The following CD84 variants were observed in gnomAD, a reference collection of about 807,000 sequenced individuals.
CD84 encodes CD84 molecule, also known as SLAM family member 5.
Under a neutral mutation model 33.8 loss-of-function variants are expected in CD84, and 22 were observed. The ratio of observed to expected loss-of-function variants is 0.65; its 90% CI spans 0.46 to 0.93. The LOEUF is 0.93. Among genes scored for constraint, CD84 ranks in the 40% least tolerant of loss-of-function variants. CD84 has a pLI of 0.00. For missense variants in CD84, 400 were observed against 397.6 expected, an observed-to-expected ratio of 1.01 and a Z score of -0.05; for synonymous variants, 154 against 145.2, an observed-to-expected ratio of 1.06 and a Z score of -0.44.
intron 1 of CD84, among the ~76,000 whole-genome samples, chr1:160,567,514 C>T (rs1432717653): frequency 1.3e-5 from 2 of 152,054 alleles, no homozygotes; most frequent in East Asian, 3.9e-4. Flanking sequence ...AATTGGGAAC[C>T]CTTATCTGCA....
intron 2 of CD84, among the ~76,000 whole-genome samples, chr1:160,557,155 T>C (rs935614823): frequency 7.2e-5 from 11 of 152,220 alleles, no homozygotes; most frequent in Admixed American, 6.5e-5. Context: ...CTACATTCTA[T>C]AAGTGAGGAA....
intron 6 of CD84, 138 bp downstream of exon 6, chr1:160,549,779 C>T: frequency 1.4e-6 from 1 of 739,570 alleles, no homozygotes; most frequent in South Asian, 1.5e-5. Context: ...TACATATAGA[C>T]CAAAAACCTA....
intron 2 of CD84, among the ~76,000 whole-genome samples, chr1:160,557,343 C>T (rs376886266): frequency 3.9e-5 from 6 of 152,312 alleles, no homozygotes; most frequent in African/African-American, 1.2e-4. Context: ...GGGAATAATA[C>T]TATTCATTCA....
At chr1:160,567,539 G>T (rs1038140963) in intron 1 of CD84, among the ~76,000 whole-genome samples, 33 of 152,252 alleles carry the variant, frequency 2.2e-4, no homozygotes, top group Admixed American at 3.3e-4. Context: ...TTTATTAACT[G>T]CTAATTATGT....
Position 160,547,482 on chromosome 1 carries a change from C to T in CD84, c.*774G>A, listed in dbSNP as rs917350352. Reference sequence around the variant, plus strand: ...TCCAAGAAAAGTGTCCCAGCAGTCTCTAGACCCTGCAGAAAGAACATTTTC... The same window carrying T: ...TCCAAGAAAAGTGTCCCAGCAGTCTTTAGACCCTGCAGAAAGAACATTTTC... On this transcript the variant is annotated 3_prime_UTR_variant, in exon 7 of 7. Coordinates refer to ENST00000368054, the MANE Select transcript of CD84 (RefSeq NM_003874.4). 12 of 304,130 alleles carry T rather than the reference C, an allele frequency of 3.9e-5. 1 individual carries two copies. The highest frequency in any genetic ancestry group is 5.3e-5 in the East Asian group (1 of 18,980). 18.8% of individuals were successfully genotyped at this position (304,130 alleles called of 1,614,324 possible). A position where few individuals can be genotyped will look rare whatever the true frequency, so the allele number is the denominator to read the frequency against.
intron 5 of CD84, among the ~76,000 whole-genome samples, chr1:160,550,350 C>G (rs1246029189): frequency 2.0e-5 from 3 of 151,964 alleles, no homozygotes; most frequent in African/African-American, 7.3e-5. Context: ...TCAGTCTCCC[C>G]CTTGATTCCT....
intron 2 of CD84, among the ~76,000 whole-genome samples, chr1:160,564,484 G>A (rs1657191055): frequency 2.0e-5 from 3 of 152,172 alleles, no homozygotes; most frequent in African/African-American, 7.2e-5. Context: ...AGCTTTATTT[G>A]TAATAGCCCC....
intron 2 of CD84, among the ~76,000 whole-genome samples, chr1:160,562,288 A>G (rs192565446): frequency 6.6e-6 from 1 of 152,324 alleles, no homozygotes; most frequent in East Asian, 1.9e-4. Context: ...AGCAAAAAGA[A>G]CAAAACTGGA....
At chr1:160,563,757 GA>G (rs537066994) in intron 2 of CD84, among the ~76,000 whole-genome samples, 4 of 151,566 alleles carry the variant, frequency 2.6e-5, no homozygotes, top group South Asian at 2.1e-4. Context: ...AAACATTGAA[GA>G]AAAAAAAGAA....
intron 2 of CD84, among the ~76,000 whole-genome samples, chr1:160,565,134 G>A (rs1264065208): frequency 6.6e-6 from 1 of 152,118 alleles, no homozygotes; most frequent in Non-Finnish European, 1.5e-5. Context: ...ACCCTGGGAA[G>A]TGAGTAGTAT....
At chr1:160,553,254 G>A (rs1217977170) in intron 4 of CD84, 124 bp downstream of exon 4, 3 of 1,477,026 alleles carry the variant, frequency 2.0e-6, no homozygotes, top group Non-Finnish European at 2.8e-6. Flanking sequence ...GTGGTGGGGT[G>A]GAGATCGGAA....
chr1:160,544,204 C>T lies in CD84; in HGVS notation c.*4052G>A, dbSNP rs1327385810. ...TCACTCTCTCGCCCAGGCTGGAGTG[C>T]AGTGGCGTGATCTCGGCTCACTGCA... On this transcript the variant is annotated 3_prime_UTR_variant, in exon 7 of 7. Transcript: ENST00000368054. 1 of 140,268 alleles carries T rather than the reference C, an allele frequency of 7.1e-6. No homozygotes were observed. Among genetic ancestry groups the T allele is most frequent in the African/African-American group, 2.7e-5 (1 of 36,964 alleles). The allele number at this position is 140,268 out of a possible 1,614,324, so 8.7% of individuals were successfully genotyped here.
chr1:160,556,880 A>G (rs932481476), intron 2 of CD84, among the ~76,000 whole-genome samples: 8 of 152,214 alleles, frequency 5.3e-5, no homozygotes, highest in Admixed American at 5.2e-4. Flanking sequence ...TTAAAATTGA[A>G]TACCATCTTT....
At chr1:160,558,956 A>G (rs1656778480) in intron 2 of CD84, among the ~76,000 whole-genome samples, 1 of 152,238 alleles carries the variant, frequency 6.6e-6, no homozygotes, top group African/African-American at 2.4e-5. Flanking sequence ...GGAATGAATG[A>G]AACCTCCAAG....
chr1:160,547,299 A>AC lies in CD84; in HGVS notation c.*956dup, dbSNP rs1375916118. ...TCTTCTATTTTGATGGTTGGATTAT[A>AC]CCCAGTTCCCCAGAAGTGTGAGAAA... On this transcript the variant is annotated 3_prime_UTR_variant, in exon 7 of 7. Transcript: ENST00000368054. 28 of 397,474 alleles carry AC rather than the reference A, an allele frequency of 7.0e-5. No homozygotes were observed. Among genetic ancestry groups the AC allele is most frequent in the Non-Finnish European group, 1.8e-5 (4 of 225,830 alleles). The allele number at this position is 397,474 out of a possible 1,614,324, so 24.6% of individuals were successfully genotyped here.
Position 160,546,906 on chromosome 1 carries a change from C to G in CD84, c.*1350G>C, listed in dbSNP as rs1655861917. On this transcript the variant is annotated 3_prime_UTR_variant, in exon 7 of 7. Transcript: ENST00000368054. ...TAATGGTAGTTGGTGCTAGATGAGTCTATGGATTCATTTACTGGGACTGAT... is the reference window on the plus strand; with the variant it reads ...TAATGGTAGTTGGTGCTAGATGAGTGTATGGATTCATTTACTGGGACTGAT... 2.6e-6 allele frequency: 1 copy of G among 384,774 alleles called. No homozygotes were observed. The highest frequency in any genetic ancestry group is 1.4e-4 in the South Asian group (1 of 6,908). The allele number at this position is 384,774 out of a possible 1,614,324, so 23.8% of individuals were successfully genotyped here. A position where few individuals can be genotyped will look rare whatever the true frequency, so the allele number is the denominator to read the frequency against.
At position 160,548,291 on chromosome 1, in the gene CD84, G is replaced by A. The variant is rs1033619483; in HGVS notation, c.952C>T (p.Pro318Ser). 4 of 1,614,212 alleles carry A rather than the reference G, an allele frequency of 2.5e-6. No homozygotes were observed. Among genetic ancestry groups the A allele is most frequent in the Admixed American group, 3.3e-5 (2 of 60,030 alleles). The change falls in exon 7 of 7, where the codon CCT becomes TCT. Residue 318 changes from proline (P) to serine (S), a missense_variant. Physicochemically the swap from Pro to Ser is moderately conservative, Grantham distance 74. Transcript: ENST00000368054. ...MGKASTQDSK[P>S]PGTSSYEIVI The stretch of plus-strand genomic sequence containing the variant: ...ATTTCATAGCTTGAAGTCCCAGGAG[G>A]TTTACTGTCCTGTGTGCTGGCTTTC...
chr1:160,550,373 G>A (rs1285279027), intron 5 of CD84, among the ~76,000 whole-genome samples: 1 of 152,028 alleles, frequency 6.6e-6, no homozygotes, highest in Non-Finnish European at 1.5e-5. Context: ...CAGACTTTAA[G>A]GAGGCAGGCT....
At chr1:160,549,262 A>G (rs147036687) in intron 6 of CD84, among the ~76,000 whole-genome samples, 159 of 152,238 alleles carry the variant, frequency 1.0e-3, no homozygotes, top group African/African-American at 3.3e-3. Flanking sequence ...TAACTCAGCT[A>G]TTAAACAGGA....
Sources: allele counts gnomAD v4.1 joint callset (sites outside exome capture counted in the v4.1 genomes callset), GRCh38; gene constraint gnomAD v4.1.1; transcripts MANE v1.5; gene names NCBI Gene and HGNC (gene_info 2026-07-23, HGNC 2026-07-21).